CDC40: variants seen among roughly 807,000 people sequenced by gnomAD.
The protein encoded by CDC40 is cell division cycle 40.
In CDC40, 27 loss-of-function variants were observed where a neutral mutation model predicts 80.6. That is an observed-to-expected ratio of 0.33 (90% CI 0.25 to 0.46). CDC40 has a LOEUF of 0.46. Ranked by LOEUF, CDC40 falls within the 20% of genes least tolerant of loss-of-function variation. The pLI is 1.00. For synonymous variants in CDC40, 221 were observed against 232.6 expected, an observed-to-expected ratio of 0.95 and a Z score of 0.45; for missense variants, 486 against 694.1, an observed-to-expected ratio of 0.70 and a Z score of 3.37.
intron 2 of CDC40, among the ~76,000 whole-genome samples, chr6:110,194,563 C>G (rs1562200623): frequency 6.6e-6 from 1 of 152,156 alleles, no homozygotes; most frequent in Non-Finnish European, 1.5e-5. Flanking sequence ...TGCTCTGACA[C>G]GACGGCACAT....
At chr6:110,193,993 A>G (rs1047925666) in intron 2 of CDC40, among the ~76,000 whole-genome samples, 1 of 152,198 alleles carries the variant, frequency 6.6e-6, no homozygotes, top group Admixed American at 6.5e-5. Flanking sequence ...GAAGTGTCAT[A>G]CTGATGCACT....
chr6:110,188,625 A>G (rs1228386324), intron 1 of CDC40, among the ~76,000 whole-genome samples: 1 of 152,162 alleles, frequency 6.6e-6, no homozygotes, highest in South Asian at 2.1e-4. Context: ...GAGGCTCAGG[A>G]CTGTTGGGTG....
At chr6:110,221,636 TTC>T (rs1278483922) in intron 12 of CDC40, among the ~76,000 whole-genome samples, 3 of 152,234 alleles carry the variant, frequency 2.0e-5, no homozygotes, top group Admixed American at 2.0e-4. Flanking sequence ...CATATACATG[TTC>T]TGTTTTGTTT....
intron 1 of CDC40, among the ~76,000 whole-genome samples, chr6:110,182,898 C>T (rs561182061): frequency 7.3e-4 from 111 of 152,304 alleles, no homozygotes; most frequent in African/African-American, 2.6e-3. Flanking sequence ...TTGTAAATTC[C>T]ACTTACATCG....
At chr6:110,222,144 A>G (rs996783985) in intron 12 of CDC40, among the ~76,000 whole-genome samples, 2 of 152,016 alleles carry the variant, frequency 1.3e-5, no homozygotes, top group African/African-American at 4.8e-5. Flanking sequence ...AGTCCCAGCT[A>G]CTCGGGAGGC....
At chr6:110,210,503 A>G (rs1182979633) in intron 5 of CDC40, among the ~76,000 whole-genome samples, 1 of 145,964 alleles carries the variant, frequency 6.9e-6, no homozygotes, top group Non-Finnish European at 1.5e-5. Flanking sequence ...GTGAGCAGAG[A>G]TTCGCGCCAC....
chr6:110,220,715 G>T lies in CDC40; in HGVS notation c.1340+846G>T, dbSNP rs186263756. On this transcript the variant is annotated intron_variant, in intron 12 of 14. Transcript: ENST00000307731. ...CCACCTTGGCCTCCCAAAGTGCTGG[G>T]ATTACAGGCGTGAGCCACTGCACCC... 2.7e-3 allele frequency among the ~76,000 whole-genome samples: 411 copies of T among 152,290 alleles called. 1 individual carries two copies. The highest frequency in any genetic ancestry group is 9.3e-3 in the African/African-American group (387 of 41,564).
intron 5 of CDC40, among the ~76,000 whole-genome samples, chr6:110,210,110 G>A (rs1777616370): frequency 6.6e-6 from 1 of 151,784 alleles, no homozygotes; most frequent in Non-Finnish European, 1.5e-5. Context: ...CTTTTTACTT[G>A]TATAACTAGT....
At chr6:110,225,594 C>T (rs1308116220) in intron 12 of CDC40, among the ~76,000 whole-genome samples, 1 of 152,148 alleles carries the variant, frequency 6.6e-6, no homozygotes, top group African/African-American at 2.4e-5. Context: ...GCTCACAGAT[C>T]CCTACAGCTT....
chr6:110,223,826 T>G (rs563118397), intron 12 of CDC40, among the ~76,000 whole-genome samples: 1 of 152,008 alleles, frequency 6.6e-6, no homozygotes, highest in African/African-American at 2.4e-5. Context: ...TGTTTTGTTT[T>G]GTTTTGTTTT....
intron 1 of CDC40, among the ~76,000 whole-genome samples, chr6:110,187,069 C>T (rs1777282691): frequency 1.3e-5 from 2 of 152,176 alleles, no homozygotes; most frequent in African/African-American, 4.8e-5. Flanking sequence ...AGCTCTGCCT[C>T]CTGGGCTTAC....
chr6:110,230,895 G>A lies in CDC40; in HGVS notation c.*764G>A, dbSNP rs866447534. The A allele has an allele frequency of 2.0e-5, 3 of 152,194 alleles. No individual in the cohort carries two copies. Among genetic ancestry groups the A allele is most frequent in the Middle Eastern group, 3.2e-3 (1 of 316 alleles). 9.4% of individuals were successfully genotyped at this position (152,194 alleles called of 1,614,324 possible). ...TCACTGTCAGTAAAGACCTGGCTAC[G>A]CTTTGAGAAATCAGGATCTCCTAGG... On this transcript the variant is annotated 3_prime_UTR_variant, in exon 15 of 15. Coordinates refer to ENST00000307731, the MANE Select transcript of CDC40 (RefSeq NM_015891.3).
chr6:110,215,215 G>A (rs992595000), intron 8 of CDC40, 71 bp from the exon 9 acceptor site: 1 of 1,171,374 alleles, frequency 8.5e-7, no homozygotes, highest in Non-Finnish European at 1.3e-6. Flanking sequence ...ACCAGCATAG[G>A]GCTGTTGTTA....
At chr6:110,225,374 C>T (rs1204519156) in intron 12 of CDC40, among the ~76,000 whole-genome samples, 2 of 150,948 alleles carry the variant, frequency 1.3e-5, no homozygotes, top group African/African-American at 4.9e-5. Flanking sequence ...TGAAAAGGCA[C>T]TTAGAACTTT....
rs114797388 is a variant in CDC40 at position 110,206,229 on chromosome 6, C to T, written c.407-1277C>T. On this transcript the variant is annotated intron_variant, in intron 3 of 14. Coordinates refer to ENST00000307731, the MANE Select transcript of CDC40 (RefSeq NM_015891.3). ...CTCAGCTCACTGCAAGCTACACCTC[C>T]CCGGTTCACACCATTCTCCTGCCTC... Among the ~76,000 whole-genome samples the T allele has an allele frequency of 8.9e-3, 1,351 of 152,270 alleles. 21 individuals carry two copies. Among genetic ancestry groups the T allele is most frequent in the African/African-American group, 0.03 (1,240 of 41,552 alleles).
At chr6:110,212,940 C>A in intron 7 of CDC40, 146 bp from the exon 8 acceptor site, 1 of 659,042 alleles carries the variant, frequency 1.5e-6, no homozygotes, top group South Asian at 1.8e-5. Flanking sequence ...TCTTGGAATG[C>A]TAATGAAAGT....
intron 13 of CDC40, 79 bp downstream of exon 13, chr6:110,226,322 C>T: frequency 1.2e-6 from 1 of 849,710 alleles, no homozygotes; most frequent in Non-Finnish European, 1.9e-6. Context: ...GAACTTTGGC[C>T]CCTTCCTTCT....
At chr6:110,211,310 C>T (rs903165158) in intron 6 of CDC40, 1 of 152,080 alleles carries the variant, frequency 6.6e-6, no homozygotes, top group Non-Finnish European at 1.5e-5. Flanking sequence ...CAAAACAAAT[C>T]GTAAGTATTC....
intron 2 of CDC40, among the ~76,000 whole-genome samples, chr6:110,200,235 GA>G (rs1480526561): frequency 3.9e-5 from 6 of 151,970 alleles, no homozygotes; most frequent in African/African-American, 1.4e-4. Flanking sequence ...TTCTAAAGCA[GA>G]AAAAAATGTA....
Sources: allele counts gnomAD v4.1 joint callset (sites outside exome capture counted in the v4.1 genomes callset), GRCh38; gene constraint gnomAD v4.1.1; transcripts MANE v1.5; gene names NCBI Gene and HGNC (gene_info 2026-07-23, HGNC 2026-07-21).